The following MAPK10 variants were observed in gnomAD, a reference collection of about 807,000 sequenced individuals.
MAPK10 encodes the protein JNK3 alpha protein kinase.
Under a neutral mutation model 59.3 loss-of-function variants are expected in MAPK10, and 25 were observed. The observed-to-expected ratio is 0.42, with a 90% CI of 0.31 to 0.59. The LOEUF (loss-of-function observed/expected upper bound fraction) is 0.59, where lower values mean the gene tolerates loss of function less well. Among genes scored for constraint, MAPK10 ranks in the 20% least tolerant of loss-of-function variants. The probability of loss-of-function intolerance (pLI) is 0.15; values close to 1 mark genes in which losing one functional copy is unlikely to be tolerated. For missense variants in MAPK10, 351 were observed against 568.9 expected, an observed-to-expected ratio of 0.62 and a Z score of 3.90; for synonymous variants, 190 against 200.5, an observed-to-expected ratio of 0.95 and a Z score of 0.44.
chr4:86,097,010 C>T (rs145884418), intron 9 of MAPK10, among the ~76,000 whole-genome samples: 263 of 151,898 alleles, frequency 1.7e-3, no homozygotes, highest in Non-Finnish European at 3.0e-3. Context: ...CAATCATATA[C>T]GTAGTTTTAA....
At chr4:86,514,121 C>T (rs1308044134) in intron 1 of MAPK10, among the ~76,000 whole-genome samples, 2 of 152,048 alleles carry the variant, frequency 1.3e-5, no homozygotes, top group African/African-American at 4.8e-5. Context: ...AAAATGGAGT[C>T]ACTAGTGTTA....
chr4:86,255,620 G>T (rs376544656), intron 2 of MAPK10, among the ~76,000 whole-genome samples: 33 of 147,120 alleles, frequency 2.2e-4, no homozygotes, highest in African/African-American at 7.9e-4. Context: ...TATATTGAAC[G>T]TTTTTTTAAA....
intron 1 of MAPK10, among the ~76,000 whole-genome samples, chr4:86,398,840 T>C (rs1462262754): frequency 2.0e-5 from 3 of 152,194 alleles, no homozygotes; most frequent in African/African-American, 4.8e-5. Flanking sequence ...CTCCCATTTA[T>C]GAGTGAGAAT....
At chr4:86,459,558 G>T (rs570416339) in intron 1 of MAPK10, among the ~76,000 whole-genome samples, 1 of 152,182 alleles carries the variant, frequency 6.6e-6, no homozygotes, top group South Asian at 2.1e-4. Context: ...TATATAGATA[G>T]ATAGATGATG....
chr4:86,017,060 G>A lies in MAPK10; in HGVS notation c.*168C>T, dbSNP rs1578551873. 1.4e-6 allele frequency: 1 copy of A among 709,274 alleles called. No homozygotes were observed. Among genetic ancestry groups the A allele is most frequent in the Non-Finnish European group, 2.3e-6 (1 of 440,384 alleles). 43.9% of individuals were successfully genotyped at this position (709,274 alleles called of 1,614,324 possible). ...AGCTTAGCTGCAATACAGAACCCTG[G>A]GGAAGAAGCAGGCTGAAAGATTTAT... On this transcript the variant is annotated 3_prime_UTR_variant, in exon 14 of 14. Transcript: ENST00000641462. This position sits in a 1 kb window ranked among gnomAD's most constrained non-coding sequence, Gnocchi z 4.4.
intron 1 of MAPK10, among the ~76,000 whole-genome samples, chr4:86,427,978 A>G (rs1235915046): frequency 6.6e-6 from 1 of 152,192 alleles, no homozygotes; most frequent in East Asian, 1.9e-4. Context: ...ATAAAAATCT[A>G]GCTGGCTTTT....
chr4:86,031,382 A>G lies in MAPK10; in HGVS notation c.1160T>C (p.Ile387Thr), dbSNP rs772015520. 6 of 1,611,668 alleles carry G rather than the reference A, an allele frequency of 3.7e-6. No individual in the cohort carries two copies. Among genetic ancestry groups the G allele is most frequent in the African/African-American group, 1.3e-5 (1 of 74,856 alleles). ...DKQLDEREHT[I>T]EEWKELIYKE... The stretch of plus-strand genomic sequence containing the variant: ...AGTAGACTTACCTTTCCATTCTTCA[A>G]TTGTGTGTTCTCTTTCATCCAACTG... The change falls in exon 12 of 14, where the codon ATT becomes ACT. Residue 387 changes from isoleucine to threonine, a missense_variant. By Grantham distance (89) the Ile-to-Thr change is moderately conservative. Coordinates refer to ENST00000641462, the MANE Select transcript of MAPK10 (RefSeq NM_138982.4).
chr4:86,436,815 T>G (rs1217611211), intron 1 of MAPK10, among the ~76,000 whole-genome samples: 1 of 152,180 alleles, frequency 6.6e-6, no homozygotes, highest in African/African-American at 2.4e-5. Flanking sequence ...CTTATTTCCC[T>G]GGTAGGGACC....
chr4:86,024,994 T>TA (rs1378602501), intron 13 of MAPK10: 1 of 152,334 alleles, frequency 6.6e-6, no homozygotes, highest in African/African-American at 2.4e-5. Flanking sequence ...GCTTCCTTTG[T>TA]AAAAGTTCCC....
At chr4:86,465,434 G>A (rs1053755983) in intron 1 of MAPK10, among the ~76,000 whole-genome samples, 4 of 152,146 alleles carry the variant, frequency 2.6e-5, no homozygotes, top group Non-Finnish European at 5.9e-5. Flanking sequence ...TGAAACAGCA[G>A]TTACAAAAAC....
intron 9 of MAPK10, among the ~76,000 whole-genome samples, chr4:86,097,833 C>T (rs2054534719): frequency 6.6e-6 from 1 of 151,978 alleles, no homozygotes; most frequent in South Asian, 2.1e-4. Flanking sequence ...GACTCTATTG[C>T]AGGACTCAGT....
Position 86,103,075 on chromosome 4 carries a change from CTGTGTGTGTGTG to C in MAPK10, c.425+99_425+110del, listed in dbSNP as rs10681488. The C allele has an allele frequency of 4.8e-3, 2,411 of 498,778 alleles. 7 individuals are homozygous for C. The highest frequency in any genetic ancestry group is 0.032 in the Admixed American group (1,096 of 33,760). The allele number at this position is 498,778 out of a possible 1,614,324, so 30.9% of individuals were successfully genotyped here. On this transcript the variant is annotated intron_variant, in intron 6 of 13. Transcript: ENST00000641462. The stretch of plus-strand genomic sequence containing the variant: ...TTGAGCAGTATAAGGGATTTCAACT[CTGTGTGTGTGTG>C]TGTGTGTGTGTGTGTGTGTGTGTGT...
intron 2 of MAPK10, among the ~76,000 whole-genome samples, chr4:86,200,071 C>T (rs1463523801): frequency 1.3e-5 from 2 of 151,982 alleles, no homozygotes; most frequent in East Asian, 3.9e-4. Flanking sequence ...GCAATTTACT[C>T]TGTAAATTTT....
At chr4:86,534,848 G>A (rs576208719) in intron 1 of MAPK10, among the ~76,000 whole-genome samples, 167 of 152,316 alleles carry the variant, frequency 1.1e-3, no homozygotes, top group African/African-American at 3.7e-3. Flanking sequence ...GGAGGTTGCA[G>A]TGAACCGAGA....
intron 1 of MAPK10, among the ~76,000 whole-genome samples, chr4:86,492,203 G>C (rs560797696): frequency 6.6e-5 from 10 of 152,300 alleles, no homozygotes; most frequent in Admixed American, 5.9e-4. Flanking sequence ...TGCTAAAATA[G>C]CAGTTACCCA....
At chr4:86,423,798 T>TATATATATAGATA (rs1485594604) in intron 1 of MAPK10, among the ~76,000 whole-genome samples, 1 of 145,650 alleles carries the variant, frequency 6.9e-6, no homozygotes, top group African/African-American at 2.5e-5. Flanking sequence ...TATATATATG[T>TATATATATAGATA]TTAGGAGGCT....
At chr4:86,096,990 T>C (rs2054344142) in intron 9 of MAPK10, among the ~76,000 whole-genome samples, 1 of 151,854 alleles carries the variant, frequency 6.6e-6, no homozygotes, top group South Asian at 2.1e-4. Context: ...AAAATGACAG[T>C]CACAAATGCC....
At chr4:86,216,444 A>G (rs1357025917) in intron 2 of MAPK10, among the ~76,000 whole-genome samples, 1 of 151,642 alleles carries the variant, frequency 6.6e-6, no homozygotes, top group Non-Finnish European at 1.5e-5. Context: ...ACAATTAAAA[A>G]TGGTGAAGAT....
chr4:86,072,113 TTGTAA>T (rs1364921226), intron 9 of MAPK10, among the ~76,000 whole-genome samples: 3 of 150,642 alleles, frequency 2.0e-5, no homozygotes, highest in African/African-American at 7.4e-5. Flanking sequence ...TTCACATCCC[TTGTAA>T]GTTGGATTCC....
Sources: allele counts gnomAD v4.1 joint callset (sites outside exome capture counted in the v4.1 genomes callset), GRCh38; gene constraint gnomAD v4.1.1; non-coding constraint Gnocchi (gnomAD v3.1); transcripts MANE v1.5; gene names NCBI Gene and HGNC (gene_info 2026-07-23, HGNC 2026-07-21).